Variants in PVT1 observed in about 807,000 individuals in gnomAD.
The protein encoded by PVT1 is Pvt1 oncogene.
At position 127,818,643 on chromosome 8, in the gene PVT1, T is replaced by G. The variant is rs184579772; in HGVS notation, n.372+22572T>G. ...GGCAATCATGCATAATGGATAAGGGTGCACTCTGCAGTTCCAGCAGCATTG... is the reference window on the plus strand; with the variant it reads ...GGCAATCATGCATAATGGATAAGGGGGCACTCTGCAGTTCCAGCAGCATTG... On this transcript the variant is annotated intron_variant and non_coding_transcript_variant, in intron 2 of 10. Transcript: ENST00000651587. Among the ~76,000 whole-genome samples the G allele has an allele frequency of 1.1e-3, 161 of 152,282 alleles. 1 individual carries two copies. Among genetic ancestry groups the G allele is most frequent in the African/African-American group, 3.7e-3 (154 of 41,576 alleles).
chr8:127,859,921 G>T (rs1379543269), intron 2 of PVT1, among the ~76,000 whole-genome samples: 1 of 151,942 alleles, frequency 6.6e-6, no homozygotes, highest in Non-Finnish European at 1.5e-5. Context: ...CCTGAGGGGA[G>T]ATCACTTTCT....
intron 3 of PVT1, among the ~76,000 whole-genome samples, chr8:127,967,134 G>A (rs146587441): frequency 5.3e-4 from 81 of 152,328 alleles, no homozygotes; most frequent in African/African-American, 1.9e-3. Flanking sequence ...CCACCCCAGG[G>A]CTGATTGCAG....
intron 5 of PVT1, among the ~76,000 whole-genome samples, chr8:128,094,890 G>A (rs1296029754): frequency 6.6e-6 from 1 of 152,120 alleles, no homozygotes; most frequent in Admixed American, 6.5e-5. Flanking sequence ...TCAGTCTATG[G>A]GACTGTTGGT....
chr8:127,799,732 G>A (rs1165786004), intron 2 of PVT1, among the ~76,000 whole-genome samples: 1 of 152,174 alleles, frequency 6.6e-6, no homozygotes, highest in East Asian at 1.9e-4. Context: ...GAGGACCTGG[G>A]CTCATAAGTG....
chr8:127,876,264 G>GTT (rs1788824819), intron 2 of PVT1, among the ~76,000 whole-genome samples: 2 of 151,928 alleles, frequency 1.3e-5, no homozygotes, highest in South Asian at 4.2e-4. Context: ...GTGTGTGTGT[G>GTT]TGTGTGTGTG....
intron 3 of PVT1, among the ~76,000 whole-genome samples, chr8:127,985,039 C>CTTTCT (rs1263091650): frequency 0.17 from 17,527 of 104,518 alleles, 4,243 homozygotes; most frequent in Non-Finnish European, 0.2. Flanking sequence ...CCTTCCTTTC[C>CTTTCT]TTCTTTTTTT....
rs1057043698 is a variant in PVT1 at position 127,898,480 on chromosome 8, G to A, written n.782+7482G>A. Among the ~76,000 whole-genome samples the A allele has an allele frequency of 2.0e-5, 3 of 152,150 alleles. No homozygotes were observed. Among genetic ancestry groups the A allele is most frequent in the Non-Finnish European group, 4.4e-5 (3 of 68,022 alleles). ...TGTTTCTGGCTCAGGGAACCTTCAGGGAAAAGGCTTTGGAGACCAAGCTAG... is the reference window on the plus strand; with the variant it reads ...TGTTTCTGGCTCAGGGAACCTTCAGAGAAAAGGCTTTGGAGACCAAGCTAG... On this transcript the variant is annotated intron_variant and non_coding_transcript_variant, in intron 3 of 10. Coordinates refer to ENST00000651587, the Ensembl canonical transcript of PVT1. This position sits in a 1 kb window ranked among gnomAD's most constrained non-coding sequence, Gnocchi z 4.4.
At chr8:128,034,670 T>C (rs1308499893) in intron 4 of PVT1, among the ~76,000 whole-genome samples, 1 of 152,234 alleles carries the variant, frequency 6.6e-6, no homozygotes, top group Non-Finnish European at 1.5e-5. Context: ...GAGCTTGGGC[T>C]CCAGATCACT....
At chr8:127,865,925 G>A (rs374169582) in intron 2 of PVT1, among the ~76,000 whole-genome samples, 3 of 152,236 alleles carry the variant, frequency 2.0e-5, no homozygotes, top group East Asian at 1.9e-4. Context: ...TCAGTGAGTT[G>A]GGCCACTGAA....
intron 4 of PVT1, among the ~76,000 whole-genome samples, chr8:128,046,076 T>A (rs1484105755): frequency 6.6e-6 from 1 of 152,220 alleles, no homozygotes; most frequent in Non-Finnish European, 1.5e-5. Context: ...CTATTTCAGA[T>A]GTAGTTCCAG....
At chr8:128,078,791 G>A (rs751359206) in intron 5 of PVT1, among the ~76,000 whole-genome samples, 74 of 152,096 alleles carry the variant, frequency 4.9e-4, no homozygotes, top group African/African-American at 1.5e-3. Flanking sequence ...ATTTATGTCC[G>A]TTTATACCAG....
At position 128,003,876 on chromosome 8, in the gene PVT1, G is replaced by T. The variant is rs118068840; in HGVS notation, n.912+14585G>T. Among the ~76,000 whole-genome samples the T allele has an allele frequency of 2.4e-3, 369 of 152,258 alleles. 7 individuals are homozygous for T. The East Asian group carries it at 0.059, about 24-fold the overall frequency. On this transcript the variant is annotated intron_variant and non_coding_transcript_variant, in intron 4 of 10. Coordinates refer to ENST00000651587, the Ensembl canonical transcript of PVT1. ...TATAACAAAATATCATAGAATAAAG[G>T]GCTTAGTTTATTTTCTTACTGTGCT... is the stretch of plus-strand genomic sequence containing the variant.
At chr8:128,014,172 C>G (rs1342194266) in intron 4 of PVT1, among the ~76,000 whole-genome samples, 1 of 152,140 alleles carries the variant, frequency 6.6e-6, no homozygotes, top group Non-Finnish European at 1.5e-5. Flanking sequence ...TGCATTTATT[C>G]CCTCCCAGGG....
intron 4 of PVT1, among the ~76,000 whole-genome samples, chr8:128,020,818 C>T (rs1320068246): frequency 1.3e-5 from 2 of 152,160 alleles, no homozygotes; most frequent in Non-Finnish European, 2.9e-5. Context: ...GAATGCAGGC[C>T]CCAGGCCCCG....
chr8:127,796,232 T>C (rs1178478433), intron 2 of PVT1, among the ~76,000 whole-genome samples: 3 of 152,126 alleles, frequency 2.0e-5, no homozygotes, highest in African/African-American at 2.4e-5. Flanking sequence ...AAAATAGAAG[T>C]CCGTTTTTGT....
chr8:127,904,794 T>C (rs1046198521), intron 3 of PVT1, among the ~76,000 whole-genome samples: 6 of 152,168 alleles, frequency 3.9e-5, no homozygotes, highest in African/African-American at 1.4e-4. Flanking sequence ...CTACATAATA[T>C]GTGGGGCTCA....
chr8:127,892,724 C>G (rs1469943160), intron 3 of PVT1, among the ~76,000 whole-genome samples: 1 of 152,074 alleles, frequency 6.6e-6, no homozygotes, highest in Non-Finnish European at 1.5e-5. Flanking sequence ...AGGTGCTGGG[C>G]TGTGCTTGAC....
chr8:128,096,729 T>C (rs753511507), intron 6 of PVT1: 14 of 152,280 alleles, frequency 9.2e-5, no homozygotes, highest in Non-Finnish European at 1.8e-4. Context: ...AGGCCAGTGC[T>C]TAGCATATAG....
chr8:127,801,943 G>A (rs1206347738), intron 2 of PVT1, among the ~76,000 whole-genome samples: 1 of 151,514 alleles, frequency 6.6e-6, no homozygotes, highest in African/African-American at 2.4e-5. Flanking sequence ...CTGAGACAGA[G>A]TCTCACCTGT....
Sources: allele counts gnomAD v4.1 joint callset (sites outside exome capture counted in the v4.1 genomes callset), GRCh38; gene constraint gnomAD v4.1.1; non-coding constraint Gnocchi (gnomAD v3.1); transcripts MANE v1.5; gene names NCBI Gene and HGNC (gene_info 2026-07-23, HGNC 2026-07-21).